The following KCNG2 variants were observed in gnomAD, a reference collection of about 807,000 sequenced individuals.
KCNG2 encodes the protein potassium voltage-gated channel modifier subfamily G member 2, also known as voltage-gated potassium channel regulatory subunit KCNG2.
A neutral mutation model predicts 12.3 loss-of-function variants in KCNG2; 7 were observed. The ratio of observed to expected loss-of-function variants is 0.57; its 90% confidence interval spans 0.32 to 1.07. The LOEUF (loss-of-function observed/expected upper bound fraction) is 1.07, where lower values mean the gene tolerates loss of function less well. KCNG2 is among the 50% of genes least tolerant of loss of function. The probability of loss-of-function intolerance (pLI) is 0.04; values close to 1 mark genes in which losing one functional copy is unlikely to be tolerated. For missense variants in KCNG2, 703 were observed against 726.0 expected, an observed-to-expected ratio of 0.97 and a Z score of 0.36; for synonymous variants, 414 against 351.4, an observed-to-expected ratio of 1.18 and a Z score of -1.99.
chr18:79,859,157 G>A (rs561561318), intron 2 of KCNG2, among the ~76,000 whole-genome samples: 1 of 152,314 alleles, frequency 6.6e-6, no homozygotes, highest in East Asian at 1.9e-4. Flanking sequence ...TGGTCATGAA[G>A]ATGTACAGTC....
chr18:79,847,938 GTATT>G (rs1300449825), intron 1 of KCNG2, among the ~76,000 whole-genome samples: 2 of 152,208 alleles, frequency 1.3e-5, no homozygotes, highest in Non-Finnish European at 2.9e-5. Context: ...TTATGTATGT[GTATT>G]TAGCCAGATT....
At chr18:79,880,597 A>G (rs1675608007) in intron 3 of KCNG2, among the ~76,000 whole-genome samples, 1 of 152,178 alleles carries the variant, frequency 6.6e-6, no homozygotes, top group Non-Finnish European at 1.5e-5. Flanking sequence ...TTCCCAACTC[A>G]TTCCAAGAGG....
At chr18:79,808,259 G>A (rs879160162) in intron 1 of KCNG2, among the ~76,000 whole-genome samples, 20 of 12,272 alleles carry the variant, frequency 1.6e-3, no homozygotes, top group East Asian at 3.3e-3. Context: ...AGAAGCTGCC[G>A]GGGACACACT....
At chr18:79,810,612 G>T (rs2087487495) in intron 1 of KCNG2, among the ~76,000 whole-genome samples, 2 of 150,826 alleles carry the variant, frequency 1.3e-5, no homozygotes, top group Non-Finnish European at 3.0e-5. Flanking sequence ...TAAAAAAAAA[G>T]AATTAACCAG....
chr18:79,805,402 C>T lies in KCNG2; in HGVS notation c.-115+7388C>T, dbSNP rs533952776. Among the ~76,000 whole-genome samples, 8 of 152,336 alleles carry T rather than the reference C, an allele frequency of 5.3e-5. No homozygotes were observed. In the East Asian group the frequency reaches 1.4e-3, roughly 26 times the overall value. ...GCCTGCCGCGCACTCGGGATGAGGCCGGCACCTGCGGAGCTTCCTCCAGAC... is the reference window on the plus strand; with the variant it reads ...GCCTGCCGCGCACTCGGGATGAGGCTGGCACCTGCGGAGCTTCCTCCAGAC... On this transcript the variant is annotated intron_variant, in intron 1 of 3. Coordinates refer to ENST00000316249, the MANE Select transcript of KCNG2 (RefSeq NM_012283.2).
At chr18:79,896,284 G>T (rs1026631535) in intron 3 of KCNG2, among the ~76,000 whole-genome samples, 64 of 144,924 alleles carry the variant, frequency 4.4e-4, no homozygotes, top group Non-Finnish European at 9.3e-4. Context: ...ATATTTTAAA[G>T]TTTTTTTTTT....
At chr18:79,897,170 T>C (rs1049256226) in intron 3 of KCNG2, among the ~76,000 whole-genome samples, 4 of 152,198 alleles carry the variant, frequency 2.6e-5, no homozygotes, top group African/African-American at 7.2e-5. Flanking sequence ...AGTTTTTCTT[T>C]TCCCTTCTCT....
chr18:79,897,621 C>T (rs1212980231), intron 3 of KCNG2, among the ~76,000 whole-genome samples: 1 of 152,028 alleles, frequency 6.6e-6, no homozygotes, highest in Non-Finnish European at 1.5e-5. Context: ...TTTTCTTTTT[C>T]TTCCTTCCCT....
chr18:79,889,751 T>G (rs1980681090), intron 3 of KCNG2, among the ~76,000 whole-genome samples: 1 of 152,252 alleles, frequency 6.6e-6, no homozygotes, highest in Non-Finnish European at 1.5e-5. Context: ...CTGATCGTCC[T>G]GGCTGGAACA....
chr18:79,871,575 C>T (rs1199180535), intron 3 of KCNG2, among the ~76,000 whole-genome samples: 1 of 152,128 alleles, frequency 6.6e-6, no homozygotes, highest in Non-Finnish European at 1.5e-5. Flanking sequence ...GGACGTCAGG[C>T]GGGGCTGACG....
chr18:79,897,871 TTC>T (rs1395805793), intron 3 of KCNG2, among the ~76,000 whole-genome samples: 1 of 152,034 alleles, frequency 6.6e-6, no homozygotes, highest in East Asian at 1.9e-4. Context: ...GAGCAACCTC[TTC>T]TCTGTCTCAC....
intron 1 of KCNG2, among the ~76,000 whole-genome samples, chr18:79,845,699 A>AGGGCC (rs1978599860): frequency 6.6e-6 from 1 of 152,154 alleles, no homozygotes; most frequent in Non-Finnish European, 1.5e-5. Context: ...CAGAACCAAA[A>AGGGCC]CCTTGCTAAT....
intron 3 of KCNG2, among the ~76,000 whole-genome samples, chr18:79,866,620 C>G (rs1979570322): frequency 7.3e-6 from 1 of 136,512 alleles, no homozygotes; most frequent in Non-Finnish European, 1.5e-5. Context: ...GCTGAGAGGT[C>G]TGTGTGCTGA....
chr18:79,872,154 T>C (rs1979858281), intron 3 of KCNG2, among the ~76,000 whole-genome samples: 1 of 151,266 alleles, frequency 6.6e-6, no homozygotes, highest in Non-Finnish European at 1.5e-5. Flanking sequence ...GGCTGCATTC[T>C]CTGCTCTGCT....
chr18:79,895,513 GT>G (rs1480688170), intron 3 of KCNG2, among the ~76,000 whole-genome samples: 1 of 149,346 alleles, frequency 6.7e-6, no homozygotes, highest in Non-Finnish European at 1.5e-5. Flanking sequence ...ATATAGTTGG[GT>G]TTGTGTCTGC....
intron 3 of KCNG2, among the ~76,000 whole-genome samples, chr18:79,890,445 C>A (rs1404403888): frequency 6.6e-6 from 1 of 152,184 alleles, no homozygotes; most frequent in East Asian, 1.9e-4. Context: ...CAGCACCCGA[C>A]AGCACGTTTC....
chr18:79,798,526 G>A (rs1338714255), intron 1 of KCNG2, among the ~76,000 whole-genome samples: 4 of 152,216 alleles, frequency 2.6e-5, no homozygotes, highest in Non-Finnish European at 4.4e-5. Context: ...GGCGCGCTGC[G>A]CCTTTCCCGG....
At position 79,887,085 on chromosome 18, in the gene KCNG2, G is replaced by A. The variant is rs547679767; in HGVS notation, c.625-11955G>A. Among the ~76,000 whole-genome samples the A allele has an allele frequency of 2.6e-4, 39 of 148,816 alleles. 2 individuals carry two copies. Among genetic ancestry groups the A allele is most frequent in the African/African-American group, 9.3e-4 (36 of 38,656 alleles). ...ACAGGGACATGGGGACACGGGACAG[G>A]GACATAGGGCCATAGGGACAGGGAC... On this transcript the variant is annotated intron_variant, in intron 3 of 3. Transcript: ENST00000316249.
intron 2 of KCNG2, among the ~76,000 whole-genome samples, chr18:79,857,249 TC>T (rs1055624241): frequency 6.0e-5 from 9 of 149,556 alleles, no homozygotes; most frequent in Middle Eastern, 3.5e-3. Flanking sequence ...CCTGACCACG[TC>T]CCCCCTCTTC....
Sources: gnomAD v4.1 joint callset for allele counts (sites outside exome capture counted in the v4.1 genomes callset) on GRCh38, gnomAD v4.1.1 for gene constraint, MANE v1.5 for transcripts, NCBI Gene and HGNC (gene_info 2026-07-23, HGNC 2026-07-21) for gene names.